The following CLIC5 variants were observed in gnomAD, a reference collection of about 807,000 sequenced individuals.
CLIC5 encodes the protein chloride intracellular channel protein 5.
In CLIC5, 20 loss-of-function variants were observed where a neutral mutation model predicts 24.7. The ratio of observed to expected loss-of-function variants is 0.81; its 90% CI spans 0.57 to 1.18. The LOEUF (loss-of-function observed/expected upper bound fraction) is 1.18. Among genes scored for constraint, CLIC5 ranks in the 50% most tolerant of loss-of-function variants. The probability of loss-of-function intolerance (pLI) is 0.00; values close to 1 mark genes in which losing one functional copy is unlikely to be tolerated. For synonymous variants in CLIC5, 159 were observed against 135.6 expected (o/e 1.17, Z -1.20); for missense variants, 341 against 326.1 (o/e 1.05, Z -0.35).
intron 4 of CLIC5, among the ~76,000 whole-genome samples, chr6:45,922,957 G>A (rs1007292977): frequency 6.6e-6 from 1 of 152,124 alleles, no homozygotes; most frequent in African/African-American, 2.4e-5. Flanking sequence ...TAGCCATGGG[G>A]CAGTGGCGAC....
At chr6:46,113,915 C>A in the CLIC5 span, among the ~76,000 whole-genome samples, 1 of 152,148 alleles carries the variant, frequency 6.6e-6, no homozygotes. Context: ...CAGAGGAAAC[C>A]CACTCTGCTG....
intron 5 of CLIC5, among the ~76,000 whole-genome samples, chr6:45,906,385 C>T (rs1762659115): frequency 6.6e-6 from 1 of 152,100 alleles, no homozygotes; most frequent in South Asian, 2.1e-4. Flanking sequence ...GCTGCAATTT[C>T]CTTAAGTAGT....
intron 1 of CLIC5, among the ~76,000 whole-genome samples, chr6:46,046,703 T>G (rs1767963896): frequency 6.6e-6 from 1 of 152,252 alleles, no homozygotes; most frequent in African/African-American, 2.4e-5. Context: ...AACAGTCATC[T>G]CCTTAAATAG....
chr6:45,989,116 C>A (rs554082631), intron 1 of CLIC5, among the ~76,000 whole-genome samples: 39 of 152,280 alleles, frequency 2.6e-4, no homozygotes, highest in African/African-American at 9.4e-4. Context: ...CCATTTGAAT[C>A]TTGTTTCACT....
intron 3 of CLIC5, among the ~76,000 whole-genome samples, chr6:45,945,472 A>T (rs1192079100): frequency 6.6e-6 from 1 of 152,072 alleles, no homozygotes; most frequent in Non-Finnish European, 1.5e-5. Context: ...TGGCCCTGCA[A>T]AACACTTTGG....
intron 1 of CLIC5, among the ~76,000 whole-genome samples, chr6:45,996,352 T>C (rs903515317): frequency 1.3e-5 from 2 of 152,120 alleles, no homozygotes; most frequent in African/African-American, 4.8e-5. Flanking sequence ...TTAGTTTAAT[T>C]AGATCCCATT....
chr6:46,050,127 A>G (rs1768062893), intron 1 of CLIC5, among the ~76,000 whole-genome samples: 1 of 152,146 alleles, frequency 6.6e-6, no homozygotes. Context: ...TGGGCTGTTT[A>G]TTCACTTGTC....
At chr6:46,022,123 A>T (rs1229825889) in intron 1 of CLIC5, among the ~76,000 whole-genome samples, 1 of 152,230 alleles carries the variant, frequency 6.6e-6, no homozygotes, top group Non-Finnish European at 1.5e-5. Context: ...CAACAAAATA[A>T]AACAAACTTT....
chr6:45,907,239 G>A (rs1336247365), intron 5 of CLIC5, among the ~76,000 whole-genome samples: 1 of 152,156 alleles, frequency 6.6e-6, no homozygotes, highest in African/African-American at 2.4e-5. Context: ...GTCATGAAGG[G>A]ATGTTGAATT....
At chr6:45,915,255 T>G (rs1169570744) in intron 4 of CLIC5, among the ~76,000 whole-genome samples, 8 of 152,152 alleles carry the variant, frequency 5.3e-5, no homozygotes, top group Non-Finnish European at 1.5e-5. Context: ...TAAAAAGTTT[T>G]GGTTATCTAT....
chr6:45,943,543 GA>G lies in CLIC5; in HGVS notation c.300-1891del, dbSNP rs571276554. 2.3e-3 allele frequency among the ~76,000 whole-genome samples: 345 copies of G among 152,328 alleles called. 4 individuals carry two copies. Among genetic ancestry groups the G allele is most frequent in the African/African-American group, 7.6e-3 (315 of 41,582 alleles). On this transcript the variant is annotated intron_variant, in intron 3 of 5. Transcript: ENST00000339561. ...TAGAATCCAGCATGCTATTAGAATCGATAGACTTAAATTGCTATTAACAAAT... is the reference window on the plus strand; with the variant it reads ...TAGAATCCAGCATGCTATTAGAATCGTAGACTTAAATTGCTATTAACAAAT...
At chr6:46,088,161 C>CTCTGTGTG in the CLIC5 span, among the ~76,000 whole-genome samples, 8 of 146,340 alleles carry the variant, frequency 5.5e-5, no homozygotes, top group African/African-American at 2.0e-4. Flanking sequence ...CGCTCTCTTT[C>CTCTGTGTG]TGTGTGTGTG....
chr6:45,894,510 A>G (rs1431616699), downstream of CLIC5, among the ~76,000 whole-genome samples: 2 of 152,252 alleles, frequency 1.3e-5, no homozygotes, highest in East Asian at 3.8e-4. Context: ...AAGGGCATGG[A>G]AAGATATTCA....
chr6:46,081,708 A>G (rs1169774375), upstream of CLIC5, among the ~76,000 whole-genome samples: 1 of 152,192 alleles, frequency 6.6e-6, no homozygotes, highest in Admixed American at 6.5e-5. Flanking sequence ...AACCTAAGAG[A>G]TCATTCAAAC....
intron 5 of CLIC5, chr6:45,913,653 T>C (rs1023714492): frequency 2.6e-5 from 14 of 548,882 alleles, no homozygotes; most frequent in Non-Finnish European, 3.6e-5. Context: ...GGGTTTGTTA[T>C]ATAGGAGAGG....
chr6:46,025,626 A>G (rs1404505082), intron 1 of CLIC5, among the ~76,000 whole-genome samples: 1 of 152,240 alleles, frequency 6.6e-6, no homozygotes. Flanking sequence ...TGAAGGCTGA[A>G]GATCAGCTGC....
At chr6:46,026,844 A>G (rs1474368193) in intron 1 of CLIC5, among the ~76,000 whole-genome samples, 2 of 152,198 alleles carry the variant, frequency 1.3e-5, no homozygotes, top group Non-Finnish European at 2.9e-5. Flanking sequence ...TACAATTGAA[A>G]TAAAGCTAAC....
At chr6:46,045,377 C>T (rs1212251513) in intron 1 of CLIC5, among the ~76,000 whole-genome samples, 1 of 152,056 alleles carries the variant, frequency 6.6e-6, no homozygotes, top group Non-Finnish European at 1.5e-5. Context: ...GCTTCCTTTC[C>T]TTCCTTCCTT....
At chr6:46,013,209 C>A (rs1275292040) in intron 1 of CLIC5, among the ~76,000 whole-genome samples, 1 of 152,172 alleles carries the variant, frequency 6.6e-6, no homozygotes, top group Admixed American at 6.5e-5. Flanking sequence ...TAGAAACCAA[C>A]CCACCCTGCC....
Sources: allele counts gnomAD v4.1 joint callset (sites outside exome capture counted in the v4.1 genomes callset), GRCh38; gene constraint gnomAD v4.1.1; transcripts MANE v1.5; gene names NCBI Gene and HGNC (gene_info 2026-07-23, HGNC 2026-07-21).